The following THPO variants were observed in gnomAD, a reference collection of about 807,000 sequenced individuals.
THPO encodes MPL ligand.
A neutral mutation model predicts 17.0 loss-of-function variants in THPO; 12 were observed. That is an observed-to-expected ratio of 0.71 (90% CI 0.45 to 1.14). THPO has a LOEUF of 1.14. Ranked by LOEUF, THPO falls within the 50% of genes most tolerant of loss-of-function variation. The pLI, the probability that THPO is intolerant of heterozygous loss-of-function variation, is 0.00. For missense variants in THPO, 365 were observed against 427.5 expected (o/e 0.85, Z 1.29); for synonymous variants, 188 against 183.0 (o/e 1.03, Z -0.22).
At chr3:184,377,865 C>A (rs116251431) in intron 1 of THPO, among the ~76,000 whole-genome samples, 119 of 152,300 alleles carry the variant, frequency 7.8e-4, no homozygotes, top group African/African-American at 2.6e-3. Flanking sequence ...CTGTATTCCA[C>A]CAAGTAAGTG....
chr3:184,375,867 G>A (rs754502634), intron 3 of THPO, 21 bp downstream of exon 3: 29 of 1,612,622 alleles, frequency 1.8e-5, no homozygotes, highest in Non-Finnish European at 2.3e-5. Context: ...GGATAAAGGG[G>A]ATAATGTTGG....
chr3:184,376,524 G>C, intron 1 of THPO, 120 bp from the exon 2 acceptor site: 1 of 1,107,136 alleles, frequency 9.0e-7, no homozygotes, highest in Non-Finnish European at 1.2e-6. Flanking sequence ...CCAAAGCCCT[G>C]AATTCTCTCA....
chr3:184,374,105 G>A (rs918867187), intron 4 of THPO, among the ~76,000 whole-genome samples: 1 of 152,140 alleles, frequency 6.6e-6, no homozygotes, highest in Non-Finnish European at 1.5e-5. Flanking sequence ...GTGGGCACCT[G>A]TAATCCCAGC....
In THPO at chr3:184,372,143, T is replaced by TA; in HGVS notation, c.*369dup. The stretch of plus-strand genomic sequence containing the variant: ...GCCTTGAATTTGAAGCAAAGGAAAT[T>TA]ACCCTTTCTCTGTTTTCTGACTCAA... On this transcript the variant is annotated 3_prime_UTR_variant, in exon 6 of 6. Transcript: ENST00000647395. 1 of 228,918 alleles carries TA rather than the reference T, an allele frequency of 4.4e-6. No individual in the cohort carries two copies. Among genetic ancestry groups the TA allele is most frequent in the East Asian group, 9.3e-5 (1 of 10,710 alleles). The allele number at this position is 228,918 out of a possible 1,614,324, so 14.2% of individuals were successfully genotyped here.
In THPO at chr3:184,372,891, C is replaced by G. The variant is rs755340195; in HGVS notation, c.684G>C (p.Lys228Asn). Residue 228 changes from lysine to asparagine, a missense_variant, in exon 6 of 6, where the codon AAG becomes AAC. Lys to Asn is a moderately conservative substitution (Grantham distance 94). Transcript: ENST00000647395. ...AGGTTTGGTTCAGCAGACCAGGAAT[C>G]TTGGCTCTGAATCCCTGCTGCCACT... ...LLKWQQGFRA[K>N]IPGLLNQTSR... 2.5e-6 allele frequency: 4 copies of G among 1,614,004 alleles called. No homozygotes were observed. The highest frequency in any genetic ancestry group is 3.4e-6 in the Non-Finnish European group (4 of 1,179,974).
In THPO at chr3:184,372,822, G is replaced by C. The variant is rs140658452; in HGVS notation, c.753C>G (p.His251Gln). Residue 251 changes from histidine to glutamine, a missense_variant, in exon 6 of 6, where the codon CAC becomes CAG. Physicochemically the swap from His to Gln is conservative, Grantham distance 24. Coordinates refer to ENST00000647395, the MANE Select transcript of THPO (RefSeq NM_000460.4). ...GTCCACGAGTTCCATTCAAGAGTTC[G>C]TGTATCCTGTTCAGGTATCCGGGGA... is the stretch of plus-strand genomic sequence containing the variant. ...DQIPGYLNRI[H>Q]ELLNGTRGLF... 1.7e-5 allele frequency: 27 copies of C among 1,614,126 alleles called. No individual in the cohort carries two copies. In the African/African-American group the frequency reaches 3.1e-4, roughly 18 times the overall value.
chr3:184,375,715 G>A (rs1714331429), intron 3 of THPO, 114 bp from the exon 4 acceptor site: 1 of 1,461,234 alleles, frequency 6.8e-7, no homozygotes, highest in Admixed American at 1.7e-5. Context: ...GCTTTTAAAT[G>A]CGGGCTGTAT....
rs1413647711 is a variant in THPO, at chr3:184,372,041, A to C, written c.*472T>G. On this transcript the variant is annotated 3_prime_UTR_variant, in exon 6 of 6. Coordinates refer to ENST00000647395, the MANE Select transcript of THPO (RefSeq NM_000460.4). ...CTGAGAGAAAGCTTATTCATTTCTCAAGAGTAAAGATCTGTTAAGAATATG... is the reference window on the plus strand; with the variant it reads ...CTGAGAGAAAGCTTATTCATTTCTCCAGAGTAAAGATCTGTTAAGAATATG... 1.2e-5 allele frequency: 2 copies of C among 171,778 alleles called. No individual in the cohort carries two copies. The highest frequency in any genetic ancestry group is 2.6e-5 in the Non-Finnish European group (2 of 77,646). The allele number at this position is 171,778 out of a possible 1,614,324, so 10.6% of individuals were successfully genotyped here.
At chr3:184,378,938 C>T, upstream of THPO, 1 of 851,456 alleles carries the variant, frequency 1.2e-6, no homozygotes, top group Non-Finnish European at 1.4e-6. Context: ...TGGACCTCCC[C>T]CGCAAATACC....
In THPO at chr3:184,372,713, G is replaced by A. The variant is rs750753256; in HGVS notation, c.862C>T (p.Leu288Phe). The A allele has an allele frequency of 3.1e-6, 5 of 1,613,752 alleles. No homozygotes were observed. Among genetic ancestry groups the A allele is most frequent in the Non-Finnish European group, 4.2e-6 (5 of 1,179,692 alleles). The stretch of plus-strand genomic sequence containing the variant: ...GGGGAAGGAGAATATCCAGGCTGGA[G>A]GTTGGGTGGCAGGGAGCCTGTGTCT... ...TSDTGSLPPN[L>F]QPGYSPSPTH... The change falls in exon 6 of 6, where the codon CTC becomes TTC. Residue 288 changes from leucine (L) to phenylalanine (F), a missense_variant. Physicochemically the swap from Leu to Phe is conservative, Grantham distance 22 (BLOSUM62 0). Coordinates refer to ENST00000647395, the MANE Select transcript of THPO (RefSeq NM_000460.4).
chr3:184,372,486 T>C lies in THPO; in HGVS notation c.*27A>G, dbSNP rs201864435. On this transcript the variant is annotated 3_prime_UTR_variant, in exon 6 of 6. Transcript: ENST00000647395. ...GGGAAGGGAGCTGTACACGAGACAA[T>C]GCTGATGTCGGCAGTGTCTGAGAAC... 8.4e-5 allele frequency: 135 copies of C among 1,613,610 alleles called. 1 individual carries two copies. The highest frequency in any genetic ancestry group is 5.0e-4 in the Middle Eastern group (3 of 6,008).
rs1331659576 is a variant in THPO at position 184,372,984 on chromosome 3, G to A, written c.591C>T (p.Asn197=). Residue 197 remains asparagine (N), a synonymous_variant, in exon 6 of 6, where the codon AAC becomes AAT. Coordinates refer to ENST00000647395, the MANE Select transcript of THPO (RefSeq NM_000460.4). ...SLVLTLNELP[N]RTSGLLETNF... ...TTGTCTCCAACAATCCAGAAGTCCT[G>A]TTTGGGAGCTCGTTCAGTGTGAGGA... 5 of 1,614,048 alleles carry A rather than the reference G, an allele frequency of 3.1e-6. No individual in the cohort carries two copies. The highest frequency in any genetic ancestry group is 4.2e-6 in the Non-Finnish European group (5 of 1,180,042).
intron 1 of THPO, 33 bp downstream of exon 1, chr3:184,378,042 C>T: frequency 3.0e-6 from 3 of 985,644 alleles, no homozygotes; most frequent in African/African-American, 1.7e-5. Context: ...CCTTTCTACC[C>T]TCACATAACC....
At chr3:184,379,257 AGGAGACAG>A (rs1714770859), upstream of THPO, among the ~76,000 whole-genome samples, 1 of 152,166 alleles carries the variant, frequency 6.6e-6, no homozygotes. Context: ...AGGGAGAGAC[AGGAGACAG>A]GGAGGCAGGC....
Position 184,375,503 on chromosome 3 carries a change from T to C in THPO, c.228+12A>G, listed in dbSNP as rs767673495. ...GACTTAGGGAAGCCAAGGTTAGGGA[T>C]GGCTTTCTTACCATCTGGGTTTTCC... is the stretch of plus-strand genomic sequence containing the variant. On this transcript the variant is annotated intron_variant, in intron 4 of 5. Coordinates refer to ENST00000647395, the MANE Select transcript of THPO (RefSeq NM_000460.4). 1.9e-6 allele frequency: 3 copies of C among 1,613,992 alleles called. No individual in the cohort carries two copies. Among genetic ancestry groups the C allele is most frequent in the East Asian group, 4.5e-5 (2 of 44,866 alleles).
At chr3:184,375,656 T>A in intron 3 of THPO, 55 bp from the exon 4 acceptor site, 2 of 1,585,494 alleles carry the variant, frequency 1.3e-6, no homozygotes, top group Non-Finnish European at 1.7e-6. Flanking sequence ...AGAGCTATGG[T>A]AGCCTAATAA....
intron 1 of THPO, among the ~76,000 whole-genome samples, chr3:184,376,760 G>T (rs146417764): frequency 1.1e-4 from 16 of 151,822 alleles, no homozygotes; most frequent in African/African-American, 3.1e-4. Flanking sequence ...CAGGAGAATC[G>T]CTTGTACCTG....
At position 184,378,087 on chromosome 3, in the gene THPO, G is replaced by A. The variant is rs560862631; in HGVS notation, c.-158C>T. 6 of 985,456 alleles carry A rather than the reference G, an allele frequency of 6.1e-6. No individual in the cohort carries two copies. Among genetic ancestry groups the A allele is most frequent in the Non-Finnish European group, 7.2e-6 (6 of 830,082 alleles). 61.0% of individuals were successfully genotyped at this position (985,456 alleles called of 1,614,324 possible). ...GCTGGCCACTCACCGGGTGGAGAAG[G>A]GCTCCAGGACCCAAGTGCACAGCAG... On this transcript the variant is annotated 5_prime_UTR_variant, in exon 1 of 6. Transcript: ENST00000647395.
At position 184,373,528 on chromosome 3, in the gene THPO, C is replaced by G; in HGVS notation, c.283G>C (p.Val95Leu). The change falls in exon 5 of 6, where the codon GTG (valine) becomes CTG (leucine). Residue 95 changes from valine to leucine, a missense_variant. Transcript: ENST00000647395. ...LGAVTLLLEG[V>L]MAARGQLGPT... is the part of the protein sequence containing the mutation. ...CCCAGTTGTCCCCGTGCTGCCATCA[C>G]TCCCTCCAGCAGAAGGGTCACTGCT... 1 of 1,614,154 alleles carries G rather than the reference C, an allele frequency of 6.2e-7. No individual in the cohort carries two copies. The highest frequency in any genetic ancestry group is 8.5e-7 in the Non-Finnish European group (1 of 1,180,032).
Sources: gnomAD v4.1 joint callset for allele counts (sites outside exome capture counted in the v4.1 genomes callset) on GRCh38, gnomAD v4.1.1 for gene constraint, MANE v1.5 for transcripts, NCBI Gene and HGNC (gene_info 2026-07-23, HGNC 2026-07-21) for gene names.